Variants in GRIN2A observed in about 807,000 individuals in gnomAD.
GRIN2A encodes the protein glutamate ionotropic receptor NMDA type subunit 2A.
In GRIN2A, 22 loss-of-function variants were observed where a neutral mutation model predicts 113.4. That is an observed-to-expected ratio of 0.19 (90% confidence interval 0.14 to 0.28). The LOEUF (loss-of-function observed/expected upper bound fraction) is 0.28. Among genes scored for constraint, GRIN2A ranks in the 10% least tolerant of loss-of-function variants. The probability of loss-of-function intolerance (pLI) is 1.00; values close to 1 mark genes in which losing one functional copy is unlikely to be tolerated. For missense variants in GRIN2A, 1,502 were observed against 1,887.0 expected (o/e 0.80, Z 3.78); for synonymous variants, 827 against 738.4 (o/e 1.12, Z -1.94).
intron 5 of GRIN2A, among the ~76,000 whole-genome samples, chr16:9,842,249 CT>C (rs1243017414): frequency 7.1e-6 from 1 of 140,488 alleles, no homozygotes; most frequent in Non-Finnish European, 1.5e-5. Flanking sequence ...GAAACTCTGT[CT>C]CCAAAAAAAA....
intron 3 of GRIN2A, among the ~76,000 whole-genome samples, chr16:9,916,997 G>A (rs1041861582): frequency 4.6e-5 from 7 of 152,166 alleles, no homozygotes; most frequent in African/African-American, 7.2e-5. Context: ...AGAAAGACCC[G>A]AAACTGAGTC....
At chr16:10,091,156 C>T (rs964246532) in intron 2 of GRIN2A, among the ~76,000 whole-genome samples, 2 of 152,150 alleles carry the variant, frequency 1.3e-5, no homozygotes, top group Non-Finnish European at 2.9e-5. Context: ...AAACTTAAAA[C>T]GTAAAGTTAC....
intron 11 of GRIN2A, among the ~76,000 whole-genome samples, chr16:9,797,976 C>T (rs951831328): frequency 6.6e-6 from 1 of 152,150 alleles, no homozygotes; most frequent in Non-Finnish European, 1.5e-5. Flanking sequence ...CCTATAAATT[C>T]CCACTTAAGG....
chr16:10,000,524 G>A (rs935619973), intron 2 of GRIN2A, among the ~76,000 whole-genome samples: 4 of 151,958 alleles, frequency 2.6e-5, no homozygotes, highest in African/African-American at 7.3e-5. Context: ...TAAGCAGTGA[G>A]TTATGTTCTA....
At chr16:10,040,835 G>GT (rs2047153748) in intron 2 of GRIN2A, among the ~76,000 whole-genome samples, 1 of 152,268 alleles carries the variant, frequency 6.6e-6, no homozygotes, top group Non-Finnish European at 1.5e-5. Context: ...GGAGGCAGCT[G>GT]TGGGGGAGGC....
Position 9,847,841 on chromosome 16 carries a change from T to A in GRIN2A, c.1328+1915A>T, listed in dbSNP as rs975450272. 1.8e-4 allele frequency among the ~76,000 whole-genome samples: 27 copies of A among 148,238 alleles called. No individual in the cohort carries two copies. The Admixed American group carries it at 1.8e-3, about 10-fold the overall frequency. ...TATTTATTCCATGATGTATTCAGGA[T>A]TTCAACTTCAAAGAGGCTGACATTT... On this transcript the variant is annotated intron_variant, in intron 5 of 12. Coordinates refer to ENST00000330684, the MANE Select transcript of GRIN2A (RefSeq NM_001134407.3).
At position 10,180,785 on chromosome 16, in the gene GRIN2A, A is replaced by AC. The variant is rs920273866; in HGVS notation, c.-18-357dup. On this transcript the variant is annotated intron_variant, in intron 1 of 12. Coordinates refer to ENST00000330684, the MANE Select transcript of GRIN2A (RefSeq NM_001134407.3). The surrounding 1 kb of genome is among the most constrained non-coding windows in gnomAD (Gnocchi z 7.0). ...ACCCTAAGCGCCGCGCGTGTTCTGT[A>AC]CCCCACCAAGCTCCTAGGTGCACAG... 9.7e-6 allele frequency: 4 copies of AC among 413,966 alleles called. No individual in the cohort carries two copies. Among genetic ancestry groups the AC allele is most frequent in the Admixed American group, 7.5e-5 (2 of 26,788 alleles). The allele number at this position is 413,966 out of a possible 1,614,324, so 25.6% of individuals were successfully genotyped here.
chr16:10,004,072 G>A (rs2046365370), intron 2 of GRIN2A, among the ~76,000 whole-genome samples: 1 of 152,046 alleles, frequency 6.6e-6, no homozygotes, highest in African/African-American at 2.4e-5. Context: ...AAGTTTCACG[G>A]AGAGGGTTGA....
At chr16:10,043,726 C>T (rs143590072) in intron 2 of GRIN2A, among the ~76,000 whole-genome samples, 1 of 151,984 alleles carries the variant, frequency 6.6e-6, no homozygotes, top group Non-Finnish European at 1.5e-5. Context: ...TTAACCTGCC[C>T]CCATCAGCCA....
intron 2 of GRIN2A, among the ~76,000 whole-genome samples, chr16:10,041,869 T>G (rs1016372320): frequency 1.2e-4 from 18 of 152,238 alleles, no homozygotes; most frequent in African/African-American, 4.3e-4. Context: ...AACCACCTCC[T>G]TCTGCAATCT....
At chr16:10,120,497 T>G (rs2048812351) in intron 2 of GRIN2A, among the ~76,000 whole-genome samples, 1 of 152,200 alleles carries the variant, frequency 6.6e-6, no homozygotes, top group Admixed American at 6.5e-5. Flanking sequence ...CCCTTTTTCT[T>G]AGCTTCCTCA....
chr16:10,030,954 G>A (rs1018020568), intron 2 of GRIN2A, among the ~76,000 whole-genome samples: 1 of 152,126 alleles, frequency 6.6e-6, no homozygotes, highest in African/African-American at 2.4e-5. Context: ...TATGTCTCAT[G>A]CACCATCTAG....
intron 4 of GRIN2A, among the ~76,000 whole-genome samples, chr16:9,852,856 A>G (rs190888408): frequency 3.4e-3 from 517 of 152,340 alleles, no homozygotes; most frequent in African/African-American, 0.011. Context: ...CATTCATTCC[A>G]TAAATATGTG....
At position 9,758,983 on chromosome 16, in the gene GRIN2A, G is replaced by A. The variant is rs916230807; in HGVS notation, c.*4166C>T. ...CACCTACTCAAACTTCTTTTTCTTT[G>A]AGTCCAATCATGTCTACTATAGCCA... is the stretch of plus-strand genomic sequence containing the variant. On this transcript the variant is annotated 3_prime_UTR_variant, in exon 13 of 13. Transcript: ENST00000330684. 4 of 222,488 alleles carry A rather than the reference G, an allele frequency of 1.8e-5. No individual in the cohort carries two copies. The highest frequency in any genetic ancestry group is 2.7e-5 in the Non-Finnish European group (3 of 111,442). 13.8% of individuals were successfully genotyped at this position (222,488 alleles called of 1,614,324 possible).
At chr16:9,959,522 G>C (rs1417493179) in intron 2 of GRIN2A, among the ~76,000 whole-genome samples, 1 of 152,190 alleles carries the variant, frequency 6.6e-6, no homozygotes, top group Non-Finnish European at 1.5e-5. Flanking sequence ...TGCCACCCAA[G>C]CTACCGATGT....
At chr16:9,929,705 T>C (rs530927633) in intron 3 of GRIN2A, among the ~76,000 whole-genome samples, 1 of 152,168 alleles carries the variant, frequency 6.6e-6, no homozygotes, top group Non-Finnish European at 1.5e-5. Context: ...TGGCAACAAA[T>C]AATTAGCACA....
chr16:9,775,270 A>G (rs1017127740), intron 11 of GRIN2A, among the ~76,000 whole-genome samples: 14 of 151,988 alleles, frequency 9.2e-5, no homozygotes, highest in African/African-American at 3.4e-4. Flanking sequence ...ATGAAAAGAG[A>G]GAGTATGTGG....
intron 2 of GRIN2A, among the ~76,000 whole-genome samples, chr16:10,171,845 T>G (rs2050049823): frequency 6.6e-6 from 1 of 152,202 alleles, no homozygotes; most frequent in South Asian, 2.1e-4. Flanking sequence ...ACAAAGTGGA[T>G]GCTATTATTG....
intron 4 of GRIN2A, among the ~76,000 whole-genome samples, chr16:9,854,326 T>A (rs2042933154): frequency 6.6e-6 from 1 of 151,550 alleles, no homozygotes; most frequent in Admixed American, 6.6e-5. Flanking sequence ...GCCGTCTGAA[T>A]AGCCTTTGGG....
Sources: allele counts gnomAD v4.1 joint callset (sites outside exome capture counted in the v4.1 genomes callset), GRCh38; gene constraint gnomAD v4.1.1; non-coding constraint Gnocchi (gnomAD v3.1); transcripts MANE v1.5; gene names NCBI Gene and HGNC (gene_info 2026-07-23, HGNC 2026-07-21).